Variants in CLEC1A observed in about 807,000 individuals in gnomAD.
CLEC1A encodes the protein C-type lectin-like receptor-1.
CLEC1A carries 34 observed loss-of-function variants against 28.7 expected under a neutral mutation model. The observed-to-expected ratio is 1.18, with a 90% confidence interval of 0.90 to 1.57. The LOEUF is 1.57. Among genes scored for constraint, CLEC1A ranks in the 40% most tolerant of loss-of-function variants. The probability of loss-of-function intolerance (pLI) is 0.00; values close to 1 mark genes in which losing one functional copy is unlikely to be tolerated. For missense variants in CLEC1A, 385 were observed against 339.5 expected (o/e 1.13, Z -1.05); for synonymous variants, 116 against 121.0 (o/e 0.96, Z 0.27).
chr12:10,072,715 G>A (rs757707164), intron 5 of CLEC1A, among the ~76,000 whole-genome samples: 3 of 151,854 alleles, frequency 2.0e-5, no homozygotes, highest in Non-Finnish European at 4.4e-5. Context: ...TCTGAAAGCA[G>A]CAAGAGAACT....
chr12:10,083,878 A>G (rs1000153633), intron 2 of CLEC1A, among the ~76,000 whole-genome samples: 1 of 152,222 alleles, frequency 6.6e-6, no homozygotes, highest in Admixed American at 6.5e-5. Flanking sequence ...TGAAAGACAC[A>G]CTTAGAGAAA....
chr12:10,095,769 G>A (rs1947768538), intron 1 of CLEC1A, among the ~76,000 whole-genome samples: 1 of 152,020 alleles, frequency 6.6e-6, no homozygotes, highest in Non-Finnish European at 1.5e-5. Flanking sequence ...TAAAACTCTT[G>A]AATTTATTGT....
chr12:10,075,552 G>A lies in CLEC1A; in HGVS notation c.495C>T (p.Cys165=). Residue 165 remains cysteine, a synonymous_variant, in exon 4 of 6, where the codon TGC becomes TGT. Transcript: ENST00000315330. ...TCAGCATGGTAGAGTTTTCACTAAGGCAGAAATATTTACAGTCCTCCCAAC... is the reference window on the plus strand; with the variant it reads ...TCAGCATGGTAGAGTTTTCACTAAGACAGAAATATTTACAGTCCTCCCAAC... ...SKSWEDCKYF[C]LSENSTMLKI... 6.2e-7 allele frequency: 1 copy of A among 1,613,926 alleles called. No individual in the cohort carries two copies. The highest frequency in any genetic ancestry group is 1.1e-5 in the South Asian group (1 of 91,070).
chr12:10,079,805 C>T (rs1866328824), intron 3 of CLEC1A, among the ~76,000 whole-genome samples: 4 of 150,178 alleles, frequency 2.7e-5, no homozygotes, highest in South Asian at 2.1e-4. Flanking sequence ...GGTGACAGAG[C>T]GAGACTCTGT....
Position 10,079,637 on chromosome 12 carries a change from T to A in CLEC1A, c.391+1600A>T, listed in dbSNP as rs1248693391. Among the ~76,000 whole-genome samples, 5 of 151,572 alleles carry A rather than the reference T, an allele frequency of 3.3e-5. No individual in the cohort carries two copies. In the East Asian group the frequency reaches 5.9e-4, roughly 18 times the overall value. ...GAGTTCAAGACCAGCCTGGGCAACA[T>A]GGAAAAACCCCGTCTCTACTTAAAA... On this transcript the variant is annotated intron_variant, in intron 3 of 5. Coordinates refer to ENST00000315330, the MANE Select transcript of CLEC1A (RefSeq NM_016511.4).
Position 10,071,102 on chromosome 12 carries a change from G to A in CLEC1A, c.*231C>T. On this transcript the variant is annotated 3_prime_UTR_variant, in exon 6 of 6. Transcript: ENST00000315330. ...GCCAAGAAGGCAGATGACATTATGG[G>A]TTTCTGAGGTTGGTTGGTGGCATGT... 1 of 374,962 alleles carries A rather than the reference G, an allele frequency of 2.7e-6. No individual in the cohort carries two copies. The highest frequency in any genetic ancestry group is 4.4e-5 in the East Asian group (1 of 22,748). 23.2% of individuals were successfully genotyped at this position (374,962 alleles called of 1,614,324 possible). A position where few individuals can be genotyped will look rare whatever the true frequency, so the allele number is the denominator to read the frequency against.
At chr12:10,076,623 T>A (rs981500414) in intron 3 of CLEC1A, among the ~76,000 whole-genome samples, 3 of 152,118 alleles carry the variant, frequency 2.0e-5, no homozygotes, top group African/African-American at 7.2e-5. Flanking sequence ...CTGGAGAGAC[T>A]CAAGCAAAAA....
chr12:10,098,785 T>G, intron 1 of CLEC1A, 23 bp downstream of exon 1: 1 of 1,521,754 alleles, frequency 6.6e-7, no homozygotes, highest in African/African-American at 1.4e-5. Context: ...TGTGGTCTAT[T>G]TGGACTCCAG....
Position 10,089,518 on chromosome 12 carries a change from T to C in CLEC1A, c.116-296A>G, listed in dbSNP as rs149082198. ...ACCATTATCTTTATGTGGTTCTTTG[T>C]ACAACCTTCTGCTTGTCAAAATTCT... is the stretch of plus-strand genomic sequence containing the variant. On this transcript the variant is annotated intron_variant, in intron 1 of 5. Coordinates refer to ENST00000315330, the MANE Select transcript of CLEC1A (RefSeq NM_016511.4). 8.5e-5 allele frequency among the ~76,000 whole-genome samples: 13 copies of C among 152,128 alleles called. No individual in the cohort carries two copies. In the East Asian group the frequency reaches 2.5e-3, roughly 30 times the overall value.
intron 5 of CLEC1A, among the ~76,000 whole-genome samples, chr12:10,072,634 A>C (rs1465488011): frequency 6.8e-6 from 1 of 148,074 alleles, no homozygotes; most frequent in Admixed American, 6.8e-5. Context: ...TCAGGGAAAG[A>C]TCTCTCTCTC....
Position 10,089,210 on chromosome 12 carries a change from G to A in CLEC1A, c.128C>T (p.Pro43Leu), listed in dbSNP as rs777012746. The A allele has an allele frequency of 3.5e-5, 56 of 1,613,750 alleles. No homozygotes were observed. The East Asian group carries it at 1.1e-3, about 32-fold the overall frequency. ...GGCCACTGGTCGCCACGTTGAAGAG[G>A]GAGCCCTGTGCTCTGCAGGGAACAG... The part of the protein sequence containing the change: ...PEPRRTEHRA[P>L]SSTWRPVALT... The change falls in exon 2 of 6, where the codon CCC becomes CTC. Residue 43 changes from proline (P) to leucine (L), a missense_variant. Coordinates refer to ENST00000315330, the MANE Select transcript of CLEC1A (RefSeq NM_016511.4).
intron 4 of CLEC1A, among the ~76,000 whole-genome samples, chr12:10,074,135 G>A (rs1248171500): frequency 6.6e-6 from 1 of 152,072 alleles, no homozygotes; most frequent in East Asian, 1.9e-4. Flanking sequence ...GCTCACTGCA[G>A]CCTCAACCTC....
At chr12:10,092,517 A>G in intron 1 of CLEC1A, 1 of 269,460 alleles carries the variant, frequency 3.7e-6, no homozygotes, top group Non-Finnish European at 7.7e-6. Context: ...ACTCTACTCC[A>G]GCCTGGGTGA....
Position 10,070,538 on chromosome 12 carries a change from G to A in CLEC1A, c.*795C>T, listed in dbSNP as rs542072454. 6.6e-6 allele frequency: 1 copy of A among 152,292 alleles called. No individual in the cohort carries two copies. Among genetic ancestry groups the A allele is most frequent in the Non-Finnish European group, 1.5e-5 (1 of 68,026 alleles). The allele number at this position is 152,292 out of a possible 1,614,324, so 9.4% of individuals were successfully genotyped here. On this transcript the variant is annotated 3_prime_UTR_variant, in exon 6 of 6. Coordinates refer to ENST00000315330, the MANE Select transcript of CLEC1A (RefSeq NM_016511.4). ...TTCAGTACCTGAAAGGTATAAATAT[G>A]GGTCAATGGAAGAAAATAGGAACTG...
intron 2 of CLEC1A, among the ~76,000 whole-genome samples, chr12:10,087,385 A>G (rs1245667715): frequency 6.7e-6 from 1 of 148,908 alleles, no homozygotes; most frequent in Non-Finnish European, 1.5e-5. Context: ...ATCTCAATAG[A>G]TGCAGAAAAA....
chr12:10,075,682 A>G, intron 3 of CLEC1A, 27 bp from the exon 4 acceptor site: 2 of 1,608,058 alleles, frequency 1.2e-6, no homozygotes, highest in Non-Finnish European at 1.7e-6. Flanking sequence ...TTTTATTGTT[A>G]TTTTCTGCAT....
At position 10,075,509 on chromosome 12, in the gene CLEC1A, C is replaced by T. The variant is rs1049147768; in HGVS notation, c.538G>A (p.Asp180Asn). 1 of 1,613,714 alleles carries T rather than the reference C, an allele frequency of 6.2e-7. No homozygotes were observed. Among genetic ancestry groups the T allele is most frequent in the Non-Finnish European group, 8.5e-7 (1 of 1,179,826 alleles). The part of the protein sequence containing the change: ...STMLKINKQE[D>N]LEFAASQSYS... Reference sequence around the variant, plus strand: ...GAAAAGCCTCAGAATCTTACCAGGTCTTCTTGTTTGTTTATCTTCAGCATG... The same window carrying T: ...GAAAAGCCTCAGAATCTTACCAGGTTTTCTTGTTTGTTTATCTTCAGCATG... Residue 180 changes from aspartate (D) to asparagine (N), a missense_variant, in exon 4 of 6, where the codon GAC (aspartate) becomes AAC (asparagine). By Grantham distance (23) the Asp-to-Asn change is conservative (BLOSUM62 1). Coordinates refer to ENST00000315330, the MANE Select transcript of CLEC1A (RefSeq NM_016511.4).
At position 10,069,840 on chromosome 12, in the gene CLEC1A, G is replaced by A. The variant is rs1411359400; in HGVS notation, c.*1493C>T. ...AAGAATCCGCAATAGTCTTTGCTAA[G>A]TGACAATCTAACAAAATGAAGTTTA... On this transcript the variant is annotated 3_prime_UTR_variant, in exon 6 of 6. Transcript: ENST00000315330. 1 of 152,198 alleles carries A rather than the reference G, an allele frequency of 6.6e-6. No individual in the cohort carries two copies. Among genetic ancestry groups the A allele is most frequent in the Non-Finnish European group, 1.5e-5 (1 of 68,026 alleles). The allele number at this position is 152,198 out of a possible 1,614,324, so 9.4% of individuals were successfully genotyped here.
chr12:10,082,061 C>G (rs1445284249), intron 2 of CLEC1A, among the ~76,000 whole-genome samples: 1 of 152,162 alleles, frequency 6.6e-6, no homozygotes, highest in Non-Finnish European at 1.5e-5. Context: ...GGTCCTTGGA[C>G]AAGGCAGCCA....
Sources: allele counts gnomAD v4.1 joint callset (sites outside exome capture counted in the v4.1 genomes callset), GRCh38; gene constraint gnomAD v4.1.1; transcripts MANE v1.5; gene names NCBI Gene and HGNC (gene_info 2026-07-23, HGNC 2026-07-21).